SEMA3A: variants seen among roughly 807,000 people sequenced by gnomAD.
SEMA3A encodes semaphorin 3A, also known as semaphorin-3A.
Under a neutral mutation model 97.9 loss-of-function variants are expected in SEMA3A, and 29 were observed. The ratio of observed to expected loss-of-function variants is 0.30; its 90% CI spans 0.22 to 0.40. The LOEUF is 0.40. SEMA3A is among the 10% of genes least tolerant of loss of function. SEMA3A has a pLI of 1.00. For missense variants in SEMA3A, 763 were observed against 951.3 expected (o/e 0.80, Z 2.60); for synonymous variants, 321 against 323.7 (o/e 0.99, Z 0.09).
At chr7:84,380,556 C>A (rs931454853) in intron 1 of SEMA3A, among the ~76,000 whole-genome samples, 4 of 151,910 alleles carry the variant, frequency 2.6e-5, no homozygotes, top group Non-Finnish European at 5.9e-5. Context: ...TGAATAAATT[C>A]AAGAAAAGTG....
chr7:84,056,688 C>G (rs1420122582), intron 5 of SEMA3A, among the ~76,000 whole-genome samples: 1 of 152,010 alleles, frequency 6.6e-6, no homozygotes, highest in Non-Finnish European at 1.5e-5. Context: ...AAATTTTACA[C>G]TATTATATTT....
chr7:84,068,800 A>G (rs1379258604), intron 4 of SEMA3A, among the ~76,000 whole-genome samples: 2 of 152,128 alleles, frequency 1.3e-5, no homozygotes, highest in Admixed American at 1.3e-4. Context: ...ATTAGAACTC[A>G]TAGGAAGAGA....
At chr7:83,977,561 AAAT>A (rs1413369986) in intron 14 of SEMA3A, among the ~76,000 whole-genome samples, 1 of 151,948 alleles carries the variant, frequency 6.6e-6, no homozygotes, top group African/African-American at 2.4e-5. Flanking sequence ...ACAAAATTTA[AAAT>A]AATAATCCAT....
intron 1 of SEMA3A, among the ~76,000 whole-genome samples, chr7:84,473,414 C>T (rs755806197): frequency 5.0e-4 from 74 of 149,118 alleles, no homozygotes; most frequent in Non-Finnish European, 4.7e-4. Context: ...TTATTATTTG[C>T]GATTGAATCT....
At chr7:84,170,995 G>A (rs1380098198) in intron 1 of SEMA3A, among the ~76,000 whole-genome samples, 1 of 152,042 alleles carries the variant, frequency 6.6e-6, no homozygotes, top group South Asian at 2.1e-4. Context: ...TTATGGAACA[G>A]CTCAATTTTG....
intron 3 of SEMA3A, 59 bp from the exon 4 acceptor site, chr7:84,110,648 T>C (rs1795252467): frequency 3.2e-6 from 5 of 1,581,346 alleles, no homozygotes; most frequent in Non-Finnish European, 3.4e-6. Context: ...AGGTATCCTC[T>C]AGGGTGCTAG....
chr7:84,394,346 A>G, intron 1 of SEMA3A, among the ~76,000 whole-genome samples: 1 of 142,154 alleles, frequency 7.0e-6, no homozygotes, highest in Admixed American at 7.0e-5. Context: ...AGTGCACACC[A>G]TATGATTTAG....
intron 1 of SEMA3A, among the ~76,000 whole-genome samples, chr7:84,419,468 A>G (rs1192127884): frequency 2.0e-5 from 3 of 152,054 alleles, no homozygotes; most frequent in African/African-American, 7.2e-5. Context: ...TCAGGGTGGA[A>G]AAGCAATGGG....
intron 3 of SEMA3A, among the ~76,000 whole-genome samples, chr7:84,210,264 T>G: frequency 6.6e-6 from 1 of 152,134 alleles, no homozygotes; most frequent in African/African-American, 2.4e-5. Context: ...AAATACAGCA[T>G]GGTAATTGCT....
At chr7:84,483,485 T>G (rs1236543093) in intron 1 of SEMA3A, among the ~76,000 whole-genome samples, 1 of 152,158 alleles carries the variant, frequency 6.6e-6, no homozygotes, top group Admixed American at 6.5e-5. Flanking sequence ...TCATTTTTTA[T>G]AGAGAAGGAG....
chr7:84,402,296 T>C (rs185671939), intron 1 of SEMA3A, among the ~76,000 whole-genome samples: 2 of 152,246 alleles, frequency 1.3e-5, no homozygotes, highest in African/African-American at 4.8e-5. Flanking sequence ...AAATCAAATA[T>C]CATCTCATCC....
At chr7:84,030,030 C>T (rs752422395) in intron 6 of SEMA3A, among the ~76,000 whole-genome samples, 3 of 152,060 alleles carry the variant, frequency 2.0e-5, no homozygotes, top group Non-Finnish European at 4.4e-5. Context: ...AAACACACTT[C>T]TCTTTAAAAA....
chr7:84,388,450 G>A (rs958166870), intron 1 of SEMA3A, among the ~76,000 whole-genome samples: 11 of 151,872 alleles, frequency 7.2e-5, no homozygotes, highest in African/African-American at 2.4e-4. Context: ...GGGATTATAT[G>A]AGTATTCTGT....
chr7:84,288,403 C>A (rs901333989), intron 3 of SEMA3A, among the ~76,000 whole-genome samples: 2 of 152,132 alleles, frequency 1.3e-5, no homozygotes, highest in Non-Finnish European at 1.5e-5. Flanking sequence ...TTAATCTAAT[C>A]AATGCATTTT....
At chr7:84,318,696 G>A (rs1013516146) in intron 2 of SEMA3A, among the ~76,000 whole-genome samples, 16 of 152,020 alleles carry the variant, frequency 1.1e-4, no homozygotes, top group African/African-American at 2.9e-4. Flanking sequence ...AGCCTTTCCT[G>A]TACACTTATA....
rs1791956923 is a variant in SEMA3A, at chr7:84,036,813, C to G, written c.667+9511G>C. Reference sequence around the variant, plus strand: ...ATATGGTCAGATATAAAATGGTAATCTGAGTATTCTTAGGAATTAATATAT... The same window carrying G: ...ATATGGTCAGATATAAAATGGTAATGTGAGTATTCTTAGGAATTAATATAT... On this transcript the variant is annotated intron_variant, in intron 6 of 16. Coordinates refer to ENST00000265362, the MANE Select transcript of SEMA3A (RefSeq NM_006080.3). 2.0e-5 allele frequency among the ~76,000 whole-genome samples: 3 copies of G among 151,918 alleles called. No individual in the cohort carries two copies. The South Asian group carries it at 6.2e-4, about 31-fold the overall frequency.
At chr7:84,101,049 C>T (rs1245199232) in intron 4 of SEMA3A, among the ~76,000 whole-genome samples, 1 of 152,190 alleles carries the variant, frequency 6.6e-6, no homozygotes, top group Non-Finnish European at 1.5e-5. Context: ...CACAAGGATA[C>T]AGCTGACTAA....
rs1562898807 is a variant in SEMA3A, at chr7:84,313,392, AT to A, written c.-168-6101del. 8.7e-5 allele frequency among the ~76,000 whole-genome samples: 9 copies of A among 103,026 alleles called. 1 individual carries two copies. The highest frequency in any genetic ancestry group is 2.3e-4 in the African/African-American group (7 of 31,078). 67.6% of individuals were successfully genotyped at this position (103,026 alleles called of 152,430 possible). A position where few individuals can be genotyped will look rare whatever the true frequency, so the allele number is the denominator to read the frequency against. On this transcript the variant is annotated intron_variant, in intron 2 of 3. Coordinates refer to the SEMA3A transcript ENST00000424555. The stretch of plus-strand genomic sequence containing the variant: ...TATATATATATATATATATATATAT[AT>A]ATATATATATATAAACTATACGTGA...
intron 9 of SEMA3A, among the ~76,000 whole-genome samples, chr7:84,009,861 G>A (rs1415891231): frequency 7.4e-6 from 1 of 134,662 alleles, no homozygotes; most frequent in East Asian, 2.1e-4. Flanking sequence ...AGCAGGGCAG[G>A]GATAAAAAGA....
Sources: allele counts gnomAD v4.1 joint callset (sites outside exome capture counted in the v4.1 genomes callset), GRCh38; gene constraint gnomAD v4.1.1; transcripts MANE v1.5; gene names NCBI Gene and HGNC (gene_info 2026-07-23, HGNC 2026-07-21).